Variants in LRP1B observed in about 807,000 individuals in gnomAD.
The protein encoded by LRP1B is low-density lipoprotein receptor-related protein 1B.
In LRP1B, 217 loss-of-function variants were observed where a neutral mutation model predicts 556.6. The ratio of observed to expected loss-of-function variants is 0.39; its 90% CI spans 0.35 to 0.44. LRP1B has a LOEUF of 0.44. LRP1B is among the 20% of genes least tolerant of loss of function. The pLI is 1.00. For missense variants in LRP1B, 5,053 were observed against 5,620.8 expected (o/e 0.90, Z 3.23); for synonymous variants, 2,047 against 1,865.8 (o/e 1.10, Z -2.50).
At chr2:141,122,657 G>A (rs1701090197) in intron 7 of LRP1B, among the ~76,000 whole-genome samples, 2 of 152,164 alleles carry the variant, frequency 1.3e-5, no homozygotes, top group Non-Finnish European at 2.9e-5. Flanking sequence ...TGGTGGGACT[G>A]TAAACTAGTT....
chr2:141,818,947 T>TA (rs1696661325), intron 1 of LRP1B, among the ~76,000 whole-genome samples: 1 of 151,374 alleles, frequency 6.6e-6, no homozygotes, highest in Non-Finnish European at 1.5e-5. Flanking sequence ...GATCCTTTAA[T>TA]AAAAACTTTC....
chr2:140,893,826 T>C (rs13407252), intron 23 of LRP1B, among the ~76,000 whole-genome samples: 79,892 of 151,918 alleles, frequency 0.53, 22,582 homozygotes, highest in Middle Eastern at 0.65. Flanking sequence ...AAGCGACATA[T>C]GTGAAAGTGC....
intron 71 of LRP1B, 61 bp from the exon 72 acceptor site, chr2:140,364,844 T>C (rs2105152341): frequency 6.7e-7 from 1 of 1,496,136 alleles, no homozygotes; most frequent in East Asian, 2.3e-5. Context: ...GTCAGCAGGA[T>C]CCATATTCTT....
At chr2:140,363,981 G>A (rs1246340945) in intron 72 of LRP1B, among the ~76,000 whole-genome samples, 1 of 151,574 alleles carries the variant, frequency 6.6e-6, no homozygotes, top group Non-Finnish European at 1.5e-5. Context: ...GACCAAAAAT[G>A]TTCATTAAAA....
At chr2:140,881,578 A>ACT (rs34689039) in intron 25 of LRP1B, among the ~76,000 whole-genome samples, 56,014 of 151,644 alleles carry the variant, frequency 0.37, 10,943 homozygotes, top group African/African-American at 0.51. Flanking sequence ...ATGAATTAGT[A>ACT]GTTATCCAAA....
At chr2:140,325,486 G>A (rs1426609839) in intron 80 of LRP1B, among the ~76,000 whole-genome samples, 1 of 152,100 alleles carries the variant, frequency 6.6e-6, no homozygotes, top group East Asian at 1.9e-4. Context: ...TGCTCAGAAT[G>A]GAATAGCCAC....
At chr2:141,362,505 G>A (rs1688862183) in intron 3 of LRP1B, among the ~76,000 whole-genome samples, 1 of 152,214 alleles carries the variant, frequency 6.6e-6, no homozygotes, top group Admixed American at 6.5e-5. Context: ...TAGACCAGCA[G>A]TAAAACTTTG....
rs200929113 is a variant in LRP1B at position 140,613,348 on chromosome 2, TATAA to T, written c.6800-11713_6800-11710del. ...ATATATATAATTATATACATATAAATATAAATAATTATATAAATATAAATATATA... is the reference window on the plus strand; with the variant it reads ...ATATATATAATTATATACATATAAATATAATTATATAAATATAAATATATA... On this transcript the variant is annotated intron_variant, in intron 41 of 90. Transcript: ENST00000389484. 3.5e-3 allele frequency among the ~76,000 whole-genome samples: 308 copies of T among 87,842 alleles called. 16 individuals carry two copies. The highest frequency in any genetic ancestry group is 0.012 in the Middle Eastern group (2 of 168). 57.6% of individuals were successfully genotyped at this position (87,842 alleles called of 152,430 possible).
chr2:142,035,954 C>G (rs992621749), intron 1 of LRP1B, among the ~76,000 whole-genome samples: 1 of 151,634 alleles, frequency 6.6e-6, no homozygotes, highest in Non-Finnish European at 1.5e-5. Flanking sequence ...TTACGGGTTT[C>G]CACTTTGCTT....
intron 3 of LRP1B, among the ~76,000 whole-genome samples, chr2:141,403,426 C>T (rs1253580836): frequency 1.3e-5 from 2 of 152,018 alleles, no homozygotes; most frequent in Non-Finnish European, 2.9e-5. Context: ...GTAATATTAA[C>T]TGTTTTAGGA....
intron 1 of LRP1B, among the ~76,000 whole-genome samples, chr2:142,054,531 A>G (rs1704589148): frequency 6.6e-6 from 1 of 151,894 alleles, no homozygotes; most frequent in Non-Finnish European, 1.5e-5. Context: ...GGTCTATCTC[A>G]TTAGTTACTT....
intron 3 of LRP1B, among the ~76,000 whole-genome samples, chr2:141,271,611 C>A (rs1296260464): frequency 1.3e-5 from 2 of 151,408 alleles, no homozygotes; most frequent in Admixed American, 1.3e-4. Context: ...GAAAAAAATG[C>A]CAACCAAGAA....
At chr2:141,170,316 C>A (rs754514483) in intron 7 of LRP1B, among the ~76,000 whole-genome samples, 28 of 152,026 alleles carry the variant, frequency 1.8e-4, no homozygotes, top group Non-Finnish European at 3.7e-4. Context: ...TCATTCTGGT[C>A]TTGTTGCTAG....
At chr2:140,685,564 T>C (rs1392371917) in intron 41 of LRP1B, among the ~76,000 whole-genome samples, 1 of 152,142 alleles carries the variant, frequency 6.6e-6, no homozygotes, top group African/African-American at 2.4e-5. Context: ...TTTTAACCAA[T>C]ATTCTGTAGT....
intron 78 of LRP1B, 132 bp from the exon 79 acceptor site, chr2:140,334,691 A>T: frequency 2.0e-6 from 1 of 501,596 alleles, no homozygotes; most frequent in Non-Finnish European, 3.5e-6. Context: ...GAGTCAACTC[A>T]AAACACACAG....
In LRP1B at chr2:140,924,276, T is replaced by C. The variant is rs528493984; in HGVS notation, c.3137-1129A>G. Reference sequence around the variant, plus strand: ...ATCACCAAAGCAGTCACTTACTCTTTTGAGACCTCTATTTGTTCAGTGAGA... The same window carrying C: ...ATCACCAAAGCAGTCACTTACTCTTCTGAGACCTCTATTTGTTCAGTGAGA... On this transcript the variant is annotated intron_variant, in intron 20 of 90. Coordinates refer to ENST00000389484, the MANE Select transcript of LRP1B (RefSeq NM_018557.3). Among the ~76,000 whole-genome samples the C allele has an allele frequency of 2.4e-4, 36 of 152,138 alleles. No individual in the cohort carries two copies. In the East Asian group the frequency reaches 7.0e-3, roughly 29 times the overall value.
At chr2:141,855,657 A>G (rs1451551650) in intron 1 of LRP1B, among the ~76,000 whole-genome samples, 1 of 152,152 alleles carries the variant, frequency 6.6e-6, no homozygotes, top group East Asian at 1.9e-4. Context: ...AGAGACTGTT[A>G]GAGGTTTAGG....
At chr2:140,971,230 G>A (rs1696413684) in intron 18 of LRP1B, among the ~76,000 whole-genome samples, 1 of 152,168 alleles carries the variant, frequency 6.6e-6, no homozygotes, top group Non-Finnish European at 1.5e-5. Flanking sequence ...AGAAAGGAGA[G>A]GATGCTGTGA....
At chr2:140,797,711 A>G (rs1486121) in intron 32 of LRP1B, among the ~76,000 whole-genome samples, 1 of 152,150 alleles carries the variant, frequency 6.6e-6, no homozygotes, top group Admixed American at 6.5e-5. Flanking sequence ...AATGGCAGCA[A>G]TGAAACCATA....
Sources: allele counts gnomAD v4.1 joint callset (sites outside exome capture counted in the v4.1 genomes callset), GRCh38; gene constraint gnomAD v4.1.1; transcripts MANE v1.5; gene names NCBI Gene and HGNC (gene_info 2026-07-23, HGNC 2026-07-21).